Variants in HIVEP3 observed in about 807,000 individuals in gnomAD.
HIVEP3 encodes the protein HIVEP zinc finger 3.
HIVEP3 carries 49 observed loss-of-function variants against 152.8 expected under a neutral mutation model. That is an observed-to-expected ratio of 0.32 (90% confidence interval 0.26 to 0.41). HIVEP3 has a LOEUF of 0.41. Among genes scored for constraint, HIVEP3 ranks in the 10% least tolerant of loss-of-function variants. HIVEP3 has a pLI of 1.00. For synonymous variants in HIVEP3, 1,269 were observed against 1,289.0 expected (o/e 0.98, Z 0.33); for missense variants, 2,790 against 3,103.3 (o/e 0.90, Z 2.40).
chr1:41,731,174 G>A (rs1427906266), intron 1 of HIVEP3, among the ~76,000 whole-genome samples: 1 of 151,968 alleles, frequency 6.6e-6, no homozygotes, highest in Non-Finnish European at 1.5e-5. Context: ...CTGAGTGTTG[G>A]GGGCATGGGT....
chr1:41,509,446 ACAAAACC>A lies in HIVEP3; in HGVS notation c.*998_*1004del, dbSNP rs2149045132. The A allele has an allele frequency of 6.6e-6, 1 of 152,364 alleles. No individual in the cohort carries two copies. The highest frequency in any genetic ancestry group is 1.9e-4 in the East Asian group (1 of 5,184). The allele number at this position is 152,364 out of a possible 1,614,324, so 9.4% of individuals were successfully genotyped here. On this transcript the variant is annotated 3_prime_UTR_variant, in exon 9 of 9. Transcript: ENST00000372583. ...CTTGTACCCCAGGGACCAAGATGAAACAAAACCCAAAACCCAGTCTCAGGAACGGCCG... is the reference window on the plus strand; with the variant it reads ...CTTGTACCCCAGGGACCAAGATGAAACAAAACCCAGTCTCAGGAACGGCCG...
intron 1 of HIVEP3, among the ~76,000 whole-genome samples, chr1:41,875,121 C>T (rs995790556): frequency 6.6e-6 from 1 of 152,250 alleles, no homozygotes; most frequent in African/African-American, 2.4e-5. Flanking sequence ...CTGGCTTGGG[C>T]TGCTCCCGAA....
chr1:41,952,743 T>A (rs1645115236), intron 1 of HIVEP3, among the ~76,000 whole-genome samples: 1 of 152,212 alleles, frequency 6.6e-6, no homozygotes, highest in Admixed American at 6.5e-5. Flanking sequence ...TCATTAAAGA[T>A]AATTTGGAAA....
At chr1:42,034,839 C>A (rs1645632177) in intron 1 of HIVEP3, among the ~76,000 whole-genome samples, 3 of 152,110 alleles carry the variant, frequency 2.0e-5, no homozygotes, top group Admixed American at 2.0e-4. Flanking sequence ...AACCAAATAA[C>A]CCACCATAAA....
At chr1:41,643,955 T>G (rs1041331364) in intron 2 of HIVEP3, among the ~76,000 whole-genome samples, 1 of 140,382 alleles carries the variant, frequency 7.1e-6, no homozygotes, top group Non-Finnish European at 1.5e-5. Flanking sequence ...AGCACAATCT[T>G]GGCTCACTGC....
chr1:41,590,694 G>A (rs2149115232), intron 3 of HIVEP3, among the ~76,000 whole-genome samples: 1 of 152,334 alleles, frequency 6.6e-6, no homozygotes. Flanking sequence ...GTTGGTGTCT[G>A]GGAGGCTGAA....
chr1:41,972,450 T>C (rs1386209922), intron 1 of HIVEP3, among the ~76,000 whole-genome samples: 1 of 152,142 alleles, frequency 6.6e-6, no homozygotes, highest in African/African-American at 2.4e-5. Context: ...GACTCAAGGG[T>C]AGACATGGAC....
intron 1 of HIVEP3, among the ~76,000 whole-genome samples, chr1:41,749,705 G>A (rs975388169): frequency 1.3e-4 from 20 of 152,294 alleles, no homozygotes; most frequent in Middle Eastern, 3.4e-3. Context: ...TTAGCTATGT[G>A]ATCTTGGATA....
intron 1 of HIVEP3, among the ~76,000 whole-genome samples, chr1:41,880,386 C>T (rs1471619428): frequency 6.6e-6 from 1 of 152,144 alleles, no homozygotes; most frequent in African/African-American, 2.4e-5. Context: ...AACCTAGGGG[C>T]CTGACTCAGG....
intron 1 of HIVEP3, among the ~76,000 whole-genome samples, chr1:41,902,792 G>A (rs148393147): frequency 5.3e-5 from 8 of 152,266 alleles, no homozygotes; most frequent in South Asian, 2.1e-4. Flanking sequence ...GGGCCTGGAC[G>A]GTGCAGGGAT....
At chr1:41,792,877 T>G (rs770655820) in intron 1 of HIVEP3, among the ~76,000 whole-genome samples, 24 of 152,228 alleles carry the variant, frequency 1.6e-4, no homozygotes, top group Non-Finnish European at 3.2e-4. Context: ...TGTTTTAATA[T>G]ATTGCTTGCT....
chr1:41,531,595 G>A (rs1643257025), intron 5 of HIVEP3, among the ~76,000 whole-genome samples: 1 of 64,922 alleles, frequency 1.5e-5, no homozygotes, highest in African/African-American at 5.7e-5. Flanking sequence ...AGGAGAGATG[G>A]AGGACAGGGG....
chr1:41,533,440 A>C lies in HIVEP3; in HGVS notation c.5208-8530T>G, dbSNP rs1643317882. Among the ~76,000 whole-genome samples the C allele has an allele frequency of 6.6e-6, 1 of 151,968 alleles. No homozygotes were observed. The highest frequency in any genetic ancestry group is 1.5e-5 in the Non-Finnish European group (1 of 68,002). On this transcript the variant is annotated intron_variant, in intron 5 of 8. Transcript: ENST00000372583. This position sits in a 1 kb window ranked among gnomAD's most constrained non-coding sequence, Gnocchi z 4.3. The stretch of plus-strand genomic sequence containing the variant: ...ACCAGCCCCAAGCCTCCCTGGGCCC[A>C]AATCCCGGGCCAGCTCTGCTGTCCC...
intron 2 of HIVEP3, among the ~76,000 whole-genome samples, chr1:41,649,075 T>C (rs939872700): frequency 6.6e-6 from 1 of 152,210 alleles, no homozygotes; most frequent in Non-Finnish European, 1.5e-5. Flanking sequence ...GTAACAGAGC[T>C]GGGCCCTGAG....
In HIVEP3 at chr1:41,906,847, T is replaced by TC. The variant is rs1553132452; in HGVS notation, c.-801+11565_-801+11566insG. Reference sequence around the variant, plus strand: ...TTTCCCCCTTTCCTTTTTTTTTTTTTTCTCTCTCTCTCTCTCCCTCCTTTC... The same window carrying TC: ...TTTCCCCCTTTCCTTTTTTTTTTTTTCTCTCTCTCTCTCTCTCCCTCCTTTC... On this transcript the variant is annotated intron_variant, in intron 1 of 8. Transcript: ENST00000372583. Among the ~76,000 whole-genome samples the TC allele has an allele frequency of 1.7e-3, 251 of 146,588 alleles. 1 individual carries two copies. The highest frequency in any genetic ancestry group is 2.8e-3 in the Admixed American group (42 of 14,774).
intron 5 of HIVEP3, among the ~76,000 whole-genome samples, chr1:41,546,430 G>A (rs945852758): frequency 1.1e-4 from 17 of 152,316 alleles, no homozygotes; most frequent in African/African-American, 3.8e-4. Context: ...AAGGGTTCCC[G>A]AGACAGAACA....
At chr1:41,552,103 A>T (rs1643899883) in intron 5 of HIVEP3, among the ~76,000 whole-genome samples, 2 of 152,192 alleles carry the variant, frequency 1.3e-5, no homozygotes, top group Admixed American at 1.3e-4. Context: ...ATTGGTTTCA[A>T]ATAACATCTT....
intron 1 of HIVEP3, among the ~76,000 whole-genome samples, chr1:41,841,319 A>G (rs1643281962): frequency 6.6e-6 from 1 of 152,220 alleles, no homozygotes; most frequent in Non-Finnish European, 1.5e-5. Flanking sequence ...GACCCCAAAC[A>G]AAAACAAAGA....
At chr1:41,520,132 C>T (rs935843348) in intron 6 of HIVEP3, among the ~76,000 whole-genome samples, 1 of 151,960 alleles carries the variant, frequency 6.6e-6, no homozygotes, top group Admixed American at 6.6e-5. Flanking sequence ...GGGAGAGGGC[C>T]CATGGATGAA....
Sources: allele counts gnomAD v4.1 joint callset (sites outside exome capture counted in the v4.1 genomes callset), GRCh38; gene constraint gnomAD v4.1.1; non-coding constraint Gnocchi (gnomAD v3.1); transcripts MANE v1.5; gene names NCBI Gene and HGNC (gene_info 2026-07-23, HGNC 2026-07-21).